LIMK1: variants seen among roughly 807,000 people sequenced by gnomAD.
LIMK1 encodes the protein LIM domain kinase 1, also known as LIM motif-containing protein kinase.
A neutral mutation model predicts 77.6 loss-of-function variants in LIMK1; 21 were observed. The observed-to-expected ratio is 0.27, with a 90% CI of 0.19 to 0.39. The LOEUF (loss-of-function observed/expected upper bound fraction) is 0.39. Among genes scored for constraint, LIMK1 ranks in the 10% least tolerant of loss-of-function variants. The probability of loss-of-function intolerance (pLI) is 1.00; values close to 1 mark genes in which losing one functional copy is unlikely to be tolerated. For synonymous variants in LIMK1, 358 were observed against 370.0 expected (o/e 0.97, Z 0.37); for missense variants, 696 against 901.6 (o/e 0.77, Z 2.92).
At chr7:74,106,934 G>A (rs1799585940) in intron 7 of LIMK1, 76 bp from the exon 8 acceptor site, 4 of 1,369,336 alleles carry the variant, frequency 2.9e-6, no homozygotes, top group East Asian at 2.5e-5. Flanking sequence ...CATGCAGGCA[G>A]GAGGAGGAAG....
At chr7:74,085,873 G>A (rs1554693995) in intron 2 of LIMK1, 29 bp downstream of exon 2, 7 of 1,509,660 alleles carry the variant, frequency 4.6e-6, no homozygotes, top group East Asian at 2.5e-5. Context: ...GGCCTGTGTT[G>A]CCCTAAACAA....
Position 74,084,058 on chromosome 7 carries a change from CG to C in LIMK1, c.55+17del. 1 of 1,464,886 alleles carries C rather than the reference CG, an allele frequency of 6.8e-7. No individual in the cohort carries two copies. Among genetic ancestry groups the C allele is most frequent in the Non-Finnish European group, 9.1e-7 (1 of 1,094,726 alleles). 90.7% of individuals were successfully genotyped at this position (1,464,886 alleles called of 1,614,324 possible). ...ATGGGAGAGGAAGGTGCGCGGGCCG[CG>C]GGGTGTGGGGCGAGGGCCTGGAGGG... On this transcript the variant is annotated intron_variant, in intron 1 of 15. Transcript: ENST00000336180.
At chr7:74,090,164 C>T (rs972811966) in intron 2 of LIMK1, among the ~76,000 whole-genome samples, 1 of 152,042 alleles carries the variant, frequency 6.6e-6, no homozygotes, top group Non-Finnish European at 1.5e-5. Context: ...CACCTGAGGT[C>T]GGGAGTTTGA....
intron 12 of LIMK1, 64 bp from the exon 13 acceptor site, chr7:74,115,738 A>G (rs370912220): frequency 3.2e-6 from 5 of 1,567,188 alleles, no homozygotes; most frequent in East Asian, 2.2e-5. Context: ...GGTCCTGGGG[A>G]GGGGCAGGCC....
chr7:74,115,851 A>T lies in LIMK1; in HGVS notation c.1460A>T (p.Asp487Val), dbSNP rs782634172. 1 of 1,614,134 alleles carries T rather than the reference A, an allele frequency of 6.2e-7. No individual in the cohort carries two copies. Among genetic ancestry groups the T allele is most frequent in the Non-Finnish European group, 8.5e-7 (1 of 1,180,022 alleles). ...ADFGLARLMV[D>V]EKTQPEGLRS... Reference sequence around the variant, plus strand: ...TTCGGGCTGGCGCGTCTCATGGTGGACGAGAAGACTCAGCCTGAGGGCCTG... The same window carrying T: ...TTCGGGCTGGCGCGTCTCATGGTGGTCGAGAAGACTCAGCCTGAGGGCCTG... The change falls in exon 13 of 16, where the codon GAC (aspartate) becomes GTC (valine). Residue 487 changes from aspartate to valine, a missense_variant. Transcript: ENST00000336180.
intron 5 of LIMK1, among the ~76,000 whole-genome samples, chr7:74,103,180 T>G (rs1563917912): frequency 6.6e-6 from 1 of 152,118 alleles, no homozygotes; most frequent in East Asian, 1.9e-4. Context: ...TTCCTCAGCC[T>G]TTCATTGCCC....
At chr7:74,088,352 C>A (rs1799174057) in intron 2 of LIMK1, among the ~76,000 whole-genome samples, 2 of 152,140 alleles carry the variant, frequency 1.3e-5, no homozygotes, top group South Asian at 4.1e-4. Flanking sequence ...GGGCTCTCAA[C>A]AGGCAGAGGA....
At chr7:74,107,527 T>A (rs1298770637) in intron 8 of LIMK1, among the ~76,000 whole-genome samples, 1 of 151,760 alleles carries the variant, frequency 6.6e-6, no homozygotes, top group East Asian at 1.9e-4. Context: ...TACAAAAAAT[T>A]TAAAAATTAA....
Position 74,107,940 on chromosome 7 carries a change from A to G in LIMK1, c.1135A>G (p.Arg379Gly). The G allele has an allele frequency of 1.3e-6, 2 of 1,570,202 alleles. No individual in the cohort carries two copies. Among genetic ancestry groups the G allele is most frequent in the Non-Finnish European group, 1.7e-6 (2 of 1,157,052 alleles). The change falls in exon 9 of 16, where the codon AGG becomes GGG. Residue 379 changes from arginine to glycine, a missense_variant. Physicochemically the swap from Arg to Gly is moderately radical, Grantham distance 125. Coordinates refer to ENST00000336180, the MANE Select transcript of LIMK1 (RefSeq NM_002314.4). ...GATCCGGTTCGACGAGGAGACCCAG[A>G]GGACGTTCCTCAAGGAGGTCAGTGA... The part of the protein sequence containing the change: ...ELIRFDEETQ[R>G]TFLKEVKVMR...
chr7:74,119,309 G>C (rs1439140836), intron 13 of LIMK1, among the ~76,000 whole-genome samples: 2 of 151,726 alleles, frequency 1.3e-5, no homozygotes, highest in African/African-American at 4.8e-5. Flanking sequence ...TTCCCTAGTA[G>C]CTGGGATTAC....
At chr7:74,118,444 A>T (rs1799865842) in intron 13 of LIMK1, among the ~76,000 whole-genome samples, 1 of 151,022 alleles carries the variant, frequency 6.6e-6, no homozygotes, top group Admixed American at 6.6e-5. Context: ...CATAGCCCGC[A>T]AAGAAGACTA....
chr7:74,118,074 C>G (rs1554699885), intron 13 of LIMK1, among the ~76,000 whole-genome samples: 1 of 148,372 alleles, frequency 6.7e-6, no homozygotes, highest in African/African-American at 2.5e-5. Flanking sequence ...GCCTGGGCAA[C>G]AGAGGAAGAC....
At chr7:74,094,741 C>T (rs539223719) in intron 2 of LIMK1, among the ~76,000 whole-genome samples, 16 of 152,198 alleles carry the variant, frequency 1.1e-4, no homozygotes, top group Admixed American at 3.9e-4. Context: ...CCGCCCCACC[C>T]CCGCGGTGAT....
intron 5 of LIMK1, among the ~76,000 whole-genome samples, chr7:74,102,276 A>G (rs1584117509): frequency 6.6e-6 from 1 of 152,120 alleles, no homozygotes. Context: ...ACCAAGGTTC[A>G]CCAATTCGTA....
chr7:74,106,299 G>C (rs1037223976), intron 7 of LIMK1, 56 bp downstream of exon 7: 58 of 1,542,190 alleles, frequency 3.8e-5, no homozygotes, highest in Non-Finnish European at 4.8e-5. Context: ...CTGGGGCTCA[G>C]GGGCTGTGGG....
At position 74,085,854 on chromosome 7, in the gene LIMK1, G is replaced by A. The variant is rs1799127846; in HGVS notation, c.152+10G>A. 1.3e-6 allele frequency: 2 copies of A among 1,544,554 alleles called. No homozygotes were observed. The highest frequency in any genetic ancestry group is 1.4e-5 in the African/African-American group (1 of 73,090). ...ACGCAGACTGCTTCAGGTAGGGTGGGGTGCCCAGGGCCTGTGTTGCCCTAA... is the reference window on the plus strand; with the variant it reads ...ACGCAGACTGCTTCAGGTAGGGTGGAGTGCCCAGGGCCTGTGTTGCCCTAA... On this transcript the variant is annotated intron_variant, in intron 2 of 15. Coordinates refer to ENST00000336180, the MANE Select transcript of LIMK1 (RefSeq NM_002314.4).
chr7:74,095,968 C>CTTTTTTTTTTTT (rs869065672), intron 2 of LIMK1, among the ~76,000 whole-genome samples: 9,419 of 125,180 alleles, frequency 0.075, 527 homozygotes, highest in African/African-American at 0.086. Flanking sequence ...TTTTCTTTTT[C>CTTTTTTTTTTTT]TTTTTTTTTT....
chr7:74,106,395 A>G, intron 7 of LIMK1, 152 bp downstream of exon 7: 1 of 775,064 alleles, frequency 1.3e-6, no homozygotes. Flanking sequence ...TCATCACACC[A>G]CTGCTCTCCA....
intron 14 of LIMK1, 56 bp from the exon 15 acceptor site, chr7:74,120,828 GATGGCACC>G (rs1799920061): frequency 6.2e-7 from 1 of 1,606,188 alleles, no homozygotes; most frequent in African/African-American, 1.3e-5. Flanking sequence ...AAACCACCTG[GATGGCACC>G]CAGATGCCCA....
Sources: gnomAD v4.1 joint callset for allele counts (sites outside exome capture counted in the v4.1 genomes callset) on GRCh38, gnomAD v4.1.1 for gene constraint, MANE v1.5 for transcripts, NCBI Gene and HGNC (gene_info 2026-07-23, HGNC 2026-07-21) for gene names.